Variants in PELI2 observed in about 807,000 individuals in gnomAD.
PELI2 encodes E3 ubiquitin-protein ligase pellino homolog 2.
A neutral mutation model predicts 42.3 loss-of-function variants in PELI2; 23 were observed. The observed-to-expected ratio is 0.54, with a 90% confidence interval of 0.39 to 0.77. PELI2 has a LOEUF of 0.77. Ranked by LOEUF, PELI2 falls within the 30% of genes least tolerant of loss-of-function variation. The pLI, the probability that PELI2 is intolerant of heterozygous loss-of-function variation, is 0.00. For missense variants in PELI2, 463 were observed against 553.2 expected (o/e 0.84, Z 1.64); for synonymous variants, 245 against 212.2 (o/e 1.15, Z -1.34).
In PELI2 at chr14:56,299,734, C is replaced by G. The variant is rs1890116227; in HGVS notation, c.*2568C>G. 6.6e-6 allele frequency: 1 copy of G among 152,178 alleles called. No individual in the cohort carries two copies. Among genetic ancestry groups the G allele is most frequent in the East Asian group, 1.9e-4 (1 of 5,198 alleles). 9.4% of individuals were successfully genotyped at this position (152,178 alleles called of 1,614,324 possible). On this transcript the variant is annotated 3_prime_UTR_variant, in exon 6 of 6. Coordinates refer to ENST00000267460, the MANE Select transcript of PELI2 (RefSeq NM_021255.3). ...CTTCTTTTTTTATGTCTTGCCATCA[C>G]TTTAAAGGACTAGCCCCACTCCCCC...
chr14:56,186,865 A>C (rs1236440226), intron 2 of PELI2, among the ~76,000 whole-genome samples: 1 of 152,212 alleles, frequency 6.6e-6, no homozygotes, highest in Non-Finnish European at 1.5e-5. Flanking sequence ...TCAGTGCGGA[A>C]AGAATAGTTC....
chr14:56,171,535 C>T (rs952520168), intron 1 of PELI2, among the ~76,000 whole-genome samples: 1 of 152,206 alleles, frequency 6.6e-6, no homozygotes, highest in Non-Finnish European at 1.5e-5. Context: ...AGCCAGCCAG[C>T]TTGTAGGTTT....
rs563189259 is a variant in PELI2 at position 56,231,561 on chromosome 14, G to A, written c.208-48115G>A. 4.1e-3 allele frequency among the ~76,000 whole-genome samples: 620 copies of A among 152,320 alleles called. 4 individuals are homozygous for A. Among genetic ancestry groups the A allele is most frequent in the African/African-American group, 0.014 (594 of 41,572 alleles). On this transcript the variant is annotated intron_variant, in intron 2 of 5. Coordinates refer to ENST00000267460, the MANE Select transcript of PELI2 (RefSeq NM_021255.3). ...AATAAAGATGTTCTTTGAAACCAATGAGAACAAAGACACAACATACCAGAA... is the reference window on the plus strand; with the variant it reads ...AATAAAGATGTTCTTTGAAACCAATAAGAACAAAGACACAACATACCAGAA...
intron 1 of PELI2, among the ~76,000 whole-genome samples, chr14:56,124,285 G>A (rs1039237230): frequency 6.6e-6 from 1 of 152,152 alleles, no homozygotes; most frequent in Non-Finnish European, 1.5e-5. Context: ...AAGTAATAAA[G>A]TGTGGATCTT....
chr14:56,163,045 T>G (rs1464271408), intron 1 of PELI2, among the ~76,000 whole-genome samples: 1 of 152,186 alleles, frequency 6.6e-6, no homozygotes, highest in Non-Finnish European at 1.5e-5. Flanking sequence ...GTGCGTTTTC[T>G]CTTTATTGAT....
rs1308197665 is a variant in PELI2, at chr14:56,296,734, T to G, written c.831T>G (p.Ile277Met). Residue 277 changes from isoleucine (I) to methionine (M), a missense_variant, in exon 6 of 6, where the codon ATT becomes ATG. Coordinates refer to ENST00000267460, the MANE Select transcript of PELI2 (RefSeq NM_021255.3). ...QKHIEALRQE[I>M]NAARPQCPVG... is the part of the protein sequence containing the mutation. Reference sequence around the variant, plus strand: ...ACATAGAAGCCCTCCGGCAGGAGATTAACGCCGCCCGGCCTCAGTGTCCTG... The same window carrying G: ...ACATAGAAGCCCTCCGGCAGGAGATGAACGCCGCCCGGCCTCAGTGTCCTG... The G allele has an allele frequency of 2.5e-6, 4 of 1,613,942 alleles. No individual in the cohort carries two copies. The highest frequency in any genetic ancestry group is 3.4e-6 in the Non-Finnish European group (4 of 1,180,006).
intron 2 of PELI2, among the ~76,000 whole-genome samples, chr14:56,232,199 A>C (rs1733021839): frequency 6.6e-6 from 1 of 152,144 alleles, no homozygotes; most frequent in South Asian, 2.1e-4. Flanking sequence ...AGCTGGTACC[A>C]TTCCTTCTGA....
chr14:56,284,676 A>G (rs1889591955), intron 3 of PELI2, among the ~76,000 whole-genome samples: 2 of 152,222 alleles, frequency 1.3e-5, no homozygotes, highest in South Asian at 2.1e-4. Context: ...TATTTCTACA[A>G]CCATTGTACA....
At chr14:56,254,213 A>C (rs906502802) in intron 2 of PELI2, among the ~76,000 whole-genome samples, 2 of 152,196 alleles carry the variant, frequency 1.3e-5, no homozygotes, top group Admixed American at 6.5e-5. Flanking sequence ...ATCCTGGCCA[A>C]CATGGTGAAA....
chr14:56,234,843 A>G (rs535138561), intron 2 of PELI2, among the ~76,000 whole-genome samples: 2 of 152,218 alleles, frequency 1.3e-5, no homozygotes, highest in South Asian at 2.1e-4. Flanking sequence ...GAAGAAGGCA[A>G]TGGAGCATGG....
At chr14:56,229,344 T>A (rs1483889090) in intron 2 of PELI2, among the ~76,000 whole-genome samples, 1 of 152,196 alleles carries the variant, frequency 6.6e-6, no homozygotes, top group Non-Finnish European at 1.5e-5. Flanking sequence ...CACTTCCCAG[T>A]AGGGGCTGAC....
chr14:56,172,862 AACTGATTAGAC>A (rs1194167930), intron 1 of PELI2, among the ~76,000 whole-genome samples: 1 of 152,140 alleles, frequency 6.6e-6, no homozygotes, highest in Non-Finnish European at 1.5e-5. Flanking sequence ...CTGACCTCTT[AACTGATTAGAC>A]ACTGTTGAAA....
Position 56,186,484 on chromosome 14 carries a change from G to GTT in PELI2, c.207+8023_207+8024dup, listed in dbSNP as rs573819975. On this transcript the variant is annotated intron_variant, in intron 2 of 5. Transcript: ENST00000267460. Reference sequence around the variant, plus strand: ...CATTAGTGTTGTTTTTAGCTGCTAAGTTTTGTGGTAATTTGTTATAACCAC... The same window carrying GTT: ...CATTAGTGTTGTTTTTAGCTGCTAAGTTTTTTGTGGTAATTTGTTATAACCAC... 3.7e-3 allele frequency among the ~76,000 whole-genome samples: 558 copies of GTT among 152,322 alleles called. 2 individuals are homozygous for GTT. Among genetic ancestry groups the GTT allele is most frequent in the Non-Finnish European group, 6.7e-3 (454 of 68,020 alleles).
intron 2 of PELI2, among the ~76,000 whole-genome samples, chr14:56,210,183 A>G (rs1176437922): frequency 2.0e-5 from 3 of 152,092 alleles, no homozygotes; most frequent in African/African-American, 4.8e-5. Flanking sequence ...AATTGGAAAA[A>G]TGAAAAAAAA....
At chr14:56,257,523 A>ATG (rs1279144468) in intron 2 of PELI2, among the ~76,000 whole-genome samples, 1 of 147,886 alleles carries the variant, frequency 6.8e-6, no homozygotes, top group Non-Finnish European at 1.5e-5. Flanking sequence ...TTCTATATAT[A>ATG]TATGTATCTA....
At chr14:56,158,742 A>C (rs1429060697) in intron 1 of PELI2, among the ~76,000 whole-genome samples, 1 of 152,180 alleles carries the variant, frequency 6.6e-6, no homozygotes. Flanking sequence ...AATAATTAAA[A>C]ATTTTCCTAA....
At chr14:56,118,854 G>T in intron 1 of PELI2, 117 bp downstream of exon 1, 1 of 571,492 alleles carries the variant, frequency 1.7e-6, no homozygotes, top group Non-Finnish European at 2.7e-6. Flanking sequence ...CGCTCGGGGC[G>T]GCAGGAGAGG....
chr14:56,229,055 C>T (rs1306821997), intron 2 of PELI2, among the ~76,000 whole-genome samples: 2 of 152,212 alleles, frequency 1.3e-5, no homozygotes, highest in African/African-American at 4.8e-5. Context: ...CGGGGAGGGG[C>T]GTCTGCCATT....
chr14:56,167,595 C>T (rs760050520), intron 1 of PELI2, among the ~76,000 whole-genome samples: 3 of 152,178 alleles, frequency 2.0e-5, no homozygotes, highest in Non-Finnish European at 2.9e-5. Context: ...TGAATTTCTT[C>T]GAGTTTCCTC....
Sources: gnomAD v4.1 joint callset for allele counts (sites outside exome capture counted in the v4.1 genomes callset) on GRCh38, gnomAD v4.1.1 for gene constraint, MANE v1.5 for transcripts, NCBI Gene and HGNC (gene_info 2026-07-23, HGNC 2026-07-21) for gene names.